NRG3: variants seen among roughly 807,000 people sequenced by gnomAD.
The protein encoded by NRG3 is pro-neuregulin-3, membrane-bound isoform.
NRG3 carries 31 observed loss-of-function variants against 66.9 expected under a neutral mutation model. The observed-to-expected ratio is 0.46, with a 90% CI of 0.35 to 0.63. The LOEUF (loss-of-function observed/expected upper bound fraction) is 0.63, where lower values mean the gene tolerates loss of function less well. Among genes scored for constraint, NRG3 ranks in the 20% least tolerant of loss-of-function variants. NRG3 has a pLI of 0.00. For missense variants in NRG3, 910 were observed against 878.9 expected, an observed-to-expected ratio of 1.04 and a Z score of -0.45; for synonymous variants, 393 against 359.4, an observed-to-expected ratio of 1.09 and a Z score of -1.06.
At chr10:82,883,364 C>T (rs1463244315) in intron 4 of NRG3, among the ~76,000 whole-genome samples, 1 of 152,072 alleles carries the variant, frequency 6.6e-6, no homozygotes, top group Non-Finnish European at 1.5e-5. Flanking sequence ...TTTAGCTGAT[C>T]AGTCTGTATA....
At chr10:82,547,531 GT>G (rs1452996834) in intron 2 of NRG3, among the ~76,000 whole-genome samples, 5 of 150,490 alleles carry the variant, frequency 3.3e-5, no homozygotes, top group African/African-American at 4.9e-5. Context: ...GTGTGTATAT[GT>G]ATAGACACAC....
At chr10:82,084,219 C>G (rs924176943) in intron 1 of NRG3, among the ~76,000 whole-genome samples, 3 of 133,244 alleles carry the variant, frequency 2.3e-5, no homozygotes, top group African/African-American at 7.7e-5. Flanking sequence ...CAGAGCCAGA[C>G]TCAGTCTCAA....
At chr10:82,483,867 G>A (rs1564975585) in intron 2 of NRG3, among the ~76,000 whole-genome samples, 1 of 152,082 alleles carries the variant, frequency 6.6e-6, no homozygotes, top group Non-Finnish European at 1.5e-5. Flanking sequence ...ATTTAGAAAT[G>A]GCAACAAATC....
chr10:82,051,290 A>G (rs2063579503), intron 1 of NRG3, among the ~76,000 whole-genome samples: 1 of 150,960 alleles, frequency 6.6e-6, no homozygotes, highest in African/African-American at 2.4e-5. Flanking sequence ...TCAGGAAACC[A>G]GAGGACTAGC....
intron 2 of NRG3, among the ~76,000 whole-genome samples, chr10:82,676,731 C>G (rs1422195932): frequency 1.3e-5 from 2 of 152,136 alleles, no homozygotes; most frequent in Non-Finnish European, 2.9e-5. Flanking sequence ...TATCTGCCCC[C>G]CTCGGCCTCC....
At chr10:82,233,301 C>G (rs1187912758) in intron 1 of NRG3, among the ~76,000 whole-genome samples, 1 of 152,118 alleles carries the variant, frequency 6.6e-6, no homozygotes, top group Non-Finnish European at 1.5e-5. Context: ...GGAGGCGGAG[C>G]TTGCAGTGAC....
Position 82,591,365 on chromosome 10 carries a change from G to A in NRG3, c.954-147212G>A, listed in dbSNP as rs376218372. 1.5e-3 allele frequency among the ~76,000 whole-genome samples: 228 copies of A among 152,260 alleles called. 1 individual carries two copies. Among genetic ancestry groups the A allele is most frequent in the East Asian group, 6.6e-3 (34 of 5,182 alleles). The stretch of plus-strand genomic sequence containing the variant: ...ATACAAAATACTAATGCAACTGTGC[G>A]GTTTAAGTGCAGTCAAACTTGGCAG... On this transcript the variant is annotated intron_variant, in intron 2 of 8. Coordinates refer to ENST00000372141, the MANE Select transcript of NRG3 (RefSeq NM_001010848.4).
chr10:82,503,777 G>A (rs539880790), intron 2 of NRG3, among the ~76,000 whole-genome samples: 1 of 152,074 alleles, frequency 6.6e-6, no homozygotes, highest in South Asian at 2.1e-4. Context: ...CAAATTCCAG[G>A]GTTTACACAA....
intron 4 of NRG3, among the ~76,000 whole-genome samples, chr10:82,923,739 A>G (rs573317060): frequency 4.6e-5 from 7 of 152,214 alleles, no homozygotes; most frequent in African/African-American, 1.7e-4. Flanking sequence ...AACAGGCCTT[A>G]AAAGACAAAA....
intron 2 of NRG3, among the ~76,000 whole-genome samples, chr10:82,708,579 A>T (rs2056464219): frequency 6.6e-6 from 1 of 152,166 alleles, no homozygotes; most frequent in African/African-American, 2.4e-5. Flanking sequence ...TTTAAATTGT[A>T]TCCAGTTATG....
At chr10:82,531,213 A>G (rs1847222286) in intron 2 of NRG3, among the ~76,000 whole-genome samples, 1 of 151,798 alleles carries the variant, frequency 6.6e-6, no homozygotes, top group African/African-American at 2.4e-5. Context: ...TTTATTATAC[A>G]TAAAATGCGA....
chr10:82,032,992 C>T lies in NRG3; in HGVS notation c.823+156829C>T, dbSNP rs1589847804. ...GACCCTCATGCTGATATAAAATGAA[C>T]ACATATTAAATATTTAACTCATTAA... On this transcript the variant is annotated intron_variant, in intron 1 of 8. Coordinates refer to ENST00000372141, the MANE Select transcript of NRG3 (RefSeq NM_001010848.4). 2.0e-5 allele frequency among the ~76,000 whole-genome samples: 3 copies of T among 151,896 alleles called. No individual in the cohort carries two copies. In the South Asian group the frequency reaches 6.2e-4, roughly 32 times the overall value.
chr10:82,537,896 GA>G (rs1230453101), intron 2 of NRG3, among the ~76,000 whole-genome samples: 1 of 152,108 alleles, frequency 6.6e-6, no homozygotes, highest in African/African-American at 2.4e-5. Context: ...GTTATTTAAT[GA>G]ACTGATGTTG....
chr10:82,510,812 C>G (rs574998264), intron 2 of NRG3, among the ~76,000 whole-genome samples: 28 of 152,192 alleles, frequency 1.8e-4, no homozygotes, highest in Admixed American at 1.5e-3. Context: ...GCAATGCATC[C>G]CATTGAGATC....
chr10:82,305,206 A>G (rs2080657023), intron 1 of NRG3, among the ~76,000 whole-genome samples: 1 of 151,946 alleles, frequency 6.6e-6, no homozygotes, highest in Admixed American at 6.6e-5. Flanking sequence ...CGTGCTAGCC[A>G]GGATGGTCTC....
intron 2 of NRG3, among the ~76,000 whole-genome samples, chr10:82,436,766 A>C (rs143741317): frequency 1.3e-3 from 198 of 152,254 alleles, no homozygotes; most frequent in African/African-American, 4.4e-3. Context: ...GCTTGTCTGG[A>C]AAGGATTTTA....
intron 1 of NRG3, among the ~76,000 whole-genome samples, chr10:81,918,884 A>G (rs998995457): frequency 1.6e-4 from 24 of 152,000 alleles, no homozygotes; most frequent in Admixed American, 3.9e-4. Context: ...TTTTCTGTCA[A>G]ACGAGTTTTG....
intron 1 of NRG3, among the ~76,000 whole-genome samples, chr10:82,096,755 A>C (rs1438368953): frequency 6.6e-6 from 1 of 152,176 alleles, no homozygotes; most frequent in East Asian, 1.9e-4. Flanking sequence ...GAAAAATATA[A>C]AGCAAAGAGA....
At chr10:82,433,395 T>A (rs1467120635) in intron 2 of NRG3, among the ~76,000 whole-genome samples, 1 of 152,232 alleles carries the variant, frequency 6.6e-6, no homozygotes, top group East Asian at 1.9e-4. Flanking sequence ...ATTGCAAAAG[T>A]GTTCTCCCAT....
Sources: allele counts gnomAD v4.1 joint callset (sites outside exome capture counted in the v4.1 genomes callset), GRCh38; gene constraint gnomAD v4.1.1; transcripts MANE v1.5; gene names NCBI Gene and HGNC (gene_info 2026-07-23, HGNC 2026-07-21).